Variants in GLG1 observed in about 807,000 individuals in gnomAD.
GLG1 encodes the protein Golgi apparatus protein 1.
Under a neutral mutation model 160.5 loss-of-function variants are expected in GLG1, and 38 were observed. The ratio of observed to expected loss-of-function variants is 0.24; its 90% CI spans 0.18 to 0.31. The LOEUF (loss-of-function observed/expected upper bound fraction) is 0.31, where lower values mean the gene tolerates loss of function less well. Ranked by LOEUF, GLG1 falls within the 10% of genes least tolerant of loss-of-function variation. GLG1 has a pLI of 1.00. For missense variants in GLG1, 1,373 were observed against 1,505.2 expected, an observed-to-expected ratio of 0.91 and a Z score of 1.45; for synonymous variants, 644 against 543.4, an observed-to-expected ratio of 1.19 and a Z score of -2.57.
Position 74,491,190 on chromosome 16 carries a change from CT to C in GLG1, c.1259del (p.Gln420ArgfsTer11). On this transcript the variant is annotated frameshift_variant, in exon 8 of 26. Transcript: ENST00000422840. LOFTEE classifies it high-confidence loss of function. The part of the protein sequence containing the change: ...HRGRQVSSEC[Q>X]GEMLDYRRML... ...TGCGTCGGTAATCCAGCATCTCCCC[CT>C]GGCACTCACTGCTGACTTGTCGCCC... The C allele has an allele frequency of 6.2e-7, 1 of 1,613,920 alleles. No individual in the cohort carries two copies. The highest frequency in any genetic ancestry group is 8.5e-7 in the Non-Finnish European group (1 of 1,179,802).
At chr16:74,574,209 T>C in intron 1 of GLG1, among the ~76,000 whole-genome samples, 1 of 152,212 alleles carries the variant, frequency 6.6e-6, no homozygotes, top group Non-Finnish European at 1.5e-5. Context: ...TTTCTAATTA[T>C]TTCCCATCAA....
At chr16:74,468,906 C>T (rs1567462081) in intron 17 of GLG1, 40 bp downstream of exon 17, 2 of 1,237,722 alleles carry the variant, frequency 1.6e-6, no homozygotes, top group Non-Finnish European at 2.4e-6. Context: ...CAAGCCCTGG[C>T]CCACTGTGGT....
At chr16:74,490,971 T>C (rs987260526) in intron 8 of GLG1, 30 bp downstream of exon 8, 6 of 1,510,000 alleles carry the variant, frequency 4.0e-6, no homozygotes, top group Non-Finnish European at 5.5e-6. Context: ...AAATGTGACA[T>C]TCAAAATGGC....
At chr16:74,511,106 A>C (rs1450989396) in intron 2 of GLG1, among the ~76,000 whole-genome samples, 2 of 152,194 alleles carry the variant, frequency 1.3e-5, no homozygotes, top group Non-Finnish European at 2.9e-5. Flanking sequence ...GTAAGCCATG[A>C]CTGAACTTTA....
chr16:74,604,935 G>A (rs572175065), intron 1 of GLG1, among the ~76,000 whole-genome samples: 102 of 152,266 alleles, frequency 6.7e-4, no homozygotes, highest in African/African-American at 2.4e-3. Context: ...TGTAGTCCCA[G>A]GTACTCAGGT....
chr16:74,486,930 C>CCCG (rs976364339), intron 8 of GLG1, among the ~76,000 whole-genome samples: 3 of 151,130 alleles, frequency 2.0e-5, no homozygotes. Flanking sequence ...TTTTTCCCCC[C>CCCG]CGAGACAGAG....
chr16:74,459,709 G>C lies in GLG1; in HGVS notation c.3117C>G (p.Leu1039=), dbSNP rs777691215. The C allele has an allele frequency of 1.3e-6, 2 of 1,590,636 alleles. No homozygotes were observed. Among genetic ancestry groups the C allele is most frequent in the African/African-American group, 1.3e-5 (1 of 74,188 alleles). ...QVEECLKVNL[L]KIKTELCKKE... Reference sequence around the variant, plus strand: ...TTTTACACAATTCTGTTTTGATCTTGAGCAGGTTGACCTTGAGGCACTCCT... The same window carrying C: ...TTTTACACAATTCTGTTTTGATCTTCAGCAGGTTGACCTTGAGGCACTCCT... Residue 1039 remains leucine, a synonymous_variant, in exon 23 of 26, where the codon CTC becomes CTG. Coordinates refer to ENST00000422840, the MANE Select transcript of GLG1 (RefSeq NM_001145667.2).
At chr16:74,467,225 G>C (rs1418297622) in intron 18 of GLG1, among the ~76,000 whole-genome samples, 1 of 152,252 alleles carries the variant, frequency 6.6e-6, no homozygotes, top group Non-Finnish European at 1.5e-5. Context: ...AAGCCCCATG[G>C]CAATGCCCTT....
At position 74,477,482 on chromosome 16, in the gene GLG1, T is replaced by C. The variant is rs1269528435; in HGVS notation, c.1879A>G (p.Met627Val). 2 of 1,612,358 alleles carry C rather than the reference T, an allele frequency of 1.2e-6. No homozygotes were observed. The highest frequency in any genetic ancestry group is 8.5e-7 in the Non-Finnish European group (1 of 1,178,328). ...EVQRILHQRA[M>V]DVKLDPALQD... Reference sequence around the variant, plus strand: ...AGGGCAGGATCCAGCTTGACATCCATGGCACGCTGGTGTAGGATCCTTTGG... The same window carrying C: ...AGGGCAGGATCCAGCTTGACATCCACGGCACGCTGGTGTAGGATCCTTTGG... Residue 627 changes from methionine (M) to valine (V), a missense_variant, in exon 12 of 26, where the codon ATG (methionine) becomes GTG (valine). This residue lies in a region of GLG1 where 386 missense variants were observed against 388.5 expected (regional missense o/e 0.99). Transcript: ENST00000422840.
intron 1 of GLG1, among the ~76,000 whole-genome samples, chr16:74,555,931 C>G (rs1385791732): frequency 6.6e-6 from 1 of 150,822 alleles, no homozygotes; most frequent in African/African-American, 2.4e-5. Context: ...CCTCACTCTT[C>G]TGGGCTCAAG....
intron 1 of GLG1, among the ~76,000 whole-genome samples, chr16:74,564,257 G>A (rs970562495): frequency 6.6e-6 from 1 of 152,136 alleles, no homozygotes; most frequent in African/African-American, 2.4e-5. Flanking sequence ...TGAATATACT[G>A]GATATTACAG....
intron 21 of GLG1, 119 bp from the exon 22 acceptor site, chr16:74,462,314 G>A: frequency 7.5e-6 from 6 of 803,774 alleles, no homozygotes; most frequent in Non-Finnish European, 1.2e-5. Flanking sequence ...AAAACAAAAA[G>A]AACAAGAAAA....
chr16:74,485,796 A>T lies in GLG1; in HGVS notation c.1571T>A (p.Met524Lys), dbSNP rs1284297975. 1 of 1,612,160 alleles carries T rather than the reference A, an allele frequency of 6.2e-7. No individual in the cohort carries two copies. Residue 524 changes from methionine to lysine, a missense_variant and splice_region_variant, in exon 9 of 26, where the codon ATG becomes AAG. Transcript: ENST00000422840. ...AAATACCATGGAGAAGATAACTTAC[A>T]TTGGGTCTCCAGATCTTATATGTTT... is the stretch of plus-strand genomic sequence containing the variant. ...ACKHIRSGDP[M>K]ILSCLMEHLY...
chr16:74,546,069 C>T (rs2018036623), intron 1 of GLG1, among the ~76,000 whole-genome samples: 2 of 152,130 alleles, frequency 1.3e-5, no homozygotes, highest in Non-Finnish European at 2.9e-5. Context: ...CTTTCAAAGA[C>T]GATCAGATCT....
intron 1 of GLG1, among the ~76,000 whole-genome samples, chr16:74,588,989 G>C (rs8048596): frequency 0.73 from 110,719 of 151,380 alleles, 40,983 homozygotes; most frequent in African/African-American, 0.84. Context: ...TGCTTGTAAT[G>C]CCAGCACTTT....
intron 2 of GLG1, among the ~76,000 whole-genome samples, chr16:74,516,275 C>T (rs2016975529): frequency 6.6e-6 from 1 of 151,720 alleles, no homozygotes; most frequent in African/African-American, 2.4e-5. Flanking sequence ...CCACACCACA[C>T]CTATTCCAAA....
Position 74,532,192 on chromosome 16 carries a change from AAATATAT to A in GLG1, c.439-46_439-40del, listed in dbSNP as rs1276697027. ...AAAAGAAGAGATGATGTAAAAAAAA[AAATATAT>A]ATATATATATATAGAGAACCTTTCA... On this transcript the variant is annotated intron_variant, in intron 1 of 25. Coordinates refer to ENST00000422840, the MANE Select transcript of GLG1 (RefSeq NM_001145667.2). 4.8e-5 allele frequency: 28 copies of A among 589,126 alleles called. 1 individual carries two copies. Among genetic ancestry groups the A allele is most frequent in the African/African-American group, 7.0e-5 (3 of 42,838 alleles). The allele number at this position is 589,126 out of a possible 1,614,324, so 36.5% of individuals were successfully genotyped here. A position where few individuals can be genotyped will look rare whatever the true frequency, so the allele number is the denominator to read the frequency against.
chr16:74,506,660 T>C (rs2016623743), intron 3 of GLG1, among the ~76,000 whole-genome samples: 2 of 143,108 alleles, frequency 1.4e-5, no homozygotes, highest in South Asian at 2.2e-4. Flanking sequence ...AAACTAAATG[T>C]AAATTTTAGC....
chr16:74,515,312 G>A (rs976876557), intron 2 of GLG1, among the ~76,000 whole-genome samples: 1 of 152,136 alleles, frequency 6.6e-6, no homozygotes, highest in Non-Finnish European at 1.5e-5. Context: ...GACATCTACA[G>A]AACTCTCCAC....
Sources: allele counts gnomAD v4.1 joint callset (sites outside exome capture counted in the v4.1 genomes callset), GRCh38; gene constraint gnomAD v4.1.1; regional missense constraint gnomAD v4.1.1; transcripts MANE v1.5; gene names NCBI Gene and HGNC (gene_info 2026-07-23, HGNC 2026-07-21).